The following CIROZ variants were observed in gnomAD, a reference collection of about 807,000 sequenced individuals.
CIROZ encodes the protein ciliated left-right organizer ZP-N domains-containing protein.
At chr1:10,958,606 C>T in the CIROZ span, 126 of 1,327,704 alleles carry the variant, frequency 9.5e-5, no homozygotes, top group Non-Finnish European at 1.3e-4. Flanking sequence ...CGACACTCTC[C>T]GGAGGACAAG....
At chr1:10,978,254 G>T in the CIROZ span, among the ~76,000 whole-genome samples, 1 of 151,096 alleles carries the variant, frequency 6.6e-6, no homozygotes, top group Admixed American at 6.6e-5. Context: ...TCACCATGTT[G>T]CCCAGGCTGG....
At chr1:10,952,993 A>T in the CIROZ span, among the ~76,000 whole-genome samples, 1 of 152,360 alleles carries the variant, frequency 6.6e-6, no homozygotes, top group Non-Finnish European at 1.5e-5. Flanking sequence ...TCATCACTGC[A>T]GGAAACTGTT....
the CIROZ span, among the ~76,000 whole-genome samples, chr1:10,964,696 T>A: frequency 2.7e-4 from 41 of 152,226 alleles, no homozygotes; most frequent in Non-Finnish European, 5.0e-4. Context: ...AATGGCCTGA[T>A]CTTGGCTCAC....
the CIROZ span, among the ~76,000 whole-genome samples, chr1:10,967,738 G>A: frequency 3.0e-4 from 45 of 152,282 alleles, no homozygotes; most frequent in East Asian, 3.3e-3. Flanking sequence ...TTGGGAGGCC[G>A]AGGCGAGTGG....
chr1:10,949,240 G>T, the CIROZ span: 2 of 213,370 alleles, frequency 9.4e-6, no homozygotes, highest in Non-Finnish European at 1.8e-5. Flanking sequence ...AAAAAAAAAA[G>T]AAGAGCTGGA....
the CIROZ span, among the ~76,000 whole-genome samples, chr1:10,947,270 G>A: frequency 2.0e-5 from 3 of 152,310 alleles, no homozygotes; most frequent in South Asian, 2.1e-4. Context: ...CACCACCTCC[G>A]ACAGCAGACC....
the CIROZ span, chr1:10,957,443 G>A: frequency 1.1e-6 from 1 of 901,958 alleles, no homozygotes; most frequent in African/African-American, 1.7e-5. Flanking sequence ...CTCATCTGCA[G>A]AGCGGAGCGC....
the CIROZ span, among the ~76,000 whole-genome samples, chr1:10,951,745 A>AAAAAAAATATATATATATATATAT: frequency 1.7e-5 from 2 of 119,206 alleles, no homozygotes; most frequent in Admixed American, 8.4e-5. Context: ...AAAAAAAAAA[A>AAAAAAAATATATATATATATATAT]ATATATATAT....
the CIROZ span, chr1:10,958,713 C>T: frequency 6.2e-7 from 1 of 1,614,128 alleles, no homozygotes; most frequent in South Asian, 1.1e-5. Context: ...GGCCCGCTTA[C>T]CTGTCTATTG....
chr1:10,980,526 G>A, the CIROZ span, among the ~76,000 whole-genome samples: 1 of 152,234 alleles, frequency 6.6e-6, no homozygotes, highest in Non-Finnish European at 1.5e-5. Context: ...CTTGAAGGAA[G>A]GTTCTCCCAG....
At chr1:10,948,301 C>T in the CIROZ span, 2 of 1,613,804 alleles carry the variant, frequency 1.2e-6, no homozygotes, top group Non-Finnish European at 1.7e-6. Context: ...TCCTGGGGCT[C>T]TCCGGGAGAA....
At chr1:10,957,498 T>G in the CIROZ span, 1 of 1,452,692 alleles carries the variant, frequency 6.9e-7, no homozygotes, top group Non-Finnish European at 9.2e-7. Context: ...TGCCTAAATC[T>G]GTCCAGTCTC....
chr1:10,972,919 C>G, the CIROZ span, among the ~76,000 whole-genome samples: 3 of 151,264 alleles, frequency 2.0e-5, no homozygotes, highest in Non-Finnish European at 2.9e-5. Context: ...AGATGCCCCC[C>G]CCATCTCTAA....
chr1:10,957,644 G>T, the CIROZ span: 1 of 1,614,132 alleles, frequency 6.2e-7, no homozygotes, highest in Non-Finnish European at 8.5e-7. Flanking sequence ...GCCTTGTCTC[G>T]GGCTTTGGAC....
At chr1:10,950,939 G>C in the CIROZ span, among the ~76,000 whole-genome samples, 3 of 152,196 alleles carry the variant, frequency 2.0e-5, no homozygotes, top group African/African-American at 7.2e-5. Context: ...CTCCAGCTAA[G>C]CGAGGCTGCT....
the CIROZ span, chr1:10,981,995 G>C: frequency 6.5e-7 from 1 of 1,537,224 alleles, no homozygotes; most frequent in Non-Finnish European, 8.7e-7. Context: ...CCCAATTCCT[G>C]AATAAGGGAC....
the CIROZ span, chr1:10,948,036 G>A: frequency 7.7e-5 from 125 of 1,613,246 alleles, no homozygotes; most frequent in Non-Finnish European, 1.0e-4. Context: ...AGGAAGAACT[G>A]CCAGGGGCGC....
the CIROZ span, among the ~76,000 whole-genome samples, chr1:10,961,907 G>A: frequency 1.3e-5 from 2 of 152,010 alleles, no homozygotes; most frequent in African/African-American, 4.8e-5. Context: ...AGATCACACC[G>A]CTGTACGCCA....
chr1:10,978,759 A>G, the CIROZ span, among the ~76,000 whole-genome samples: 3 of 152,124 alleles, frequency 2.0e-5, no homozygotes, highest in African/African-American at 7.2e-5. Context: ...GGCATTCCTC[A>G]GCAGAGGAAA....
Sources: gnomAD v4.1 joint callset for allele counts (sites outside exome capture counted in the v4.1 genomes callset) on GRCh38, gnomAD v4.1.1 for gene constraint, MANE v1.5 for transcripts, NCBI Gene and HGNC (gene_info 2026-07-23, HGNC 2026-07-21) for gene names.